SLCO3A1: variants seen among roughly 807,000 people sequenced by gnomAD.
The protein encoded by SLCO3A1 is solute carrier organic anion transporter family member 3A1, also known as PGE1 transporter.
SLCO3A1 carries 27 observed loss-of-function variants against 63.1 expected under a neutral mutation model. That is an observed-to-expected ratio of 0.43 (90% confidence interval 0.32 to 0.59). SLCO3A1 has a LOEUF of 0.59. Ranked by LOEUF, SLCO3A1 falls within the 20% of genes least tolerant of loss-of-function variation. The pLI is 0.09. For synonymous variants in SLCO3A1, 473 were observed against 409.9 expected (o/e 1.15, Z -1.86); for missense variants, 773 against 945.8 (o/e 0.82, Z 2.40).
chr15:92,077,005 C>A (rs117337246), intron 2 of SLCO3A1, among the ~76,000 whole-genome samples: 3,787 of 152,324 alleles, frequency 0.025, 71 homozygotes, highest in Admixed American at 0.049. Flanking sequence ...AGGAAACTTA[C>A]AATCATGGCA....
intron 2 of SLCO3A1, among the ~76,000 whole-genome samples, chr15:92,055,497 G>A (rs997131303): frequency 6.6e-6 from 1 of 152,102 alleles, no homozygotes; most frequent in African/African-American, 2.4e-5. Flanking sequence ...GTCTCTACTT[G>A]TGTAGGTTTT....
chr15:92,171,912 C>A (rs2048523782), exon 11 of SLCO3A1: 1 of 1,398,298 alleles, frequency 7.2e-7, no homozygotes, highest in Non-Finnish European at 9.9e-7. Flanking sequence ...CCACCACCCA[C>A]AGACCTCGCG....
At chr15:92,168,662 A>G (rs541750950), downstream of SLCO3A1, among the ~76,000 whole-genome samples, 9 of 152,326 alleles carry the variant, frequency 5.9e-5, no homozygotes, top group South Asian at 1.4e-3. Context: ...GCCAGGGCAT[A>G]CATAGGAAGG....
chr15:92,126,010 A>G, intron 5 of SLCO3A1, 51 bp from the exon 6 acceptor site: 1 of 1,534,086 alleles, frequency 6.5e-7, no homozygotes, highest in Non-Finnish European at 9.0e-7. Flanking sequence ...CTGTCTGTAG[A>G]CTGGCCCCAC....
intron 2 of SLCO3A1, among the ~76,000 whole-genome samples, chr15:92,015,426 A>T (rs114426002): frequency 0.025 from 3,810 of 152,160 alleles, 155 homozygotes; most frequent in African/African-American, 0.085. Context: ...CCCAGGGGGA[A>T]CTGCCACTTC....
chr15:91,917,715 G>A (rs1898708914), intron 2 of SLCO3A1, among the ~76,000 whole-genome samples: 2 of 152,146 alleles, frequency 1.3e-5, no homozygotes, highest in Admixed American at 1.3e-4. Context: ...ACCTGAGAGT[G>A]GTTATGGTGG....
intron 1 of SLCO3A1, among the ~76,000 whole-genome samples, chr15:91,864,910 T>G (rs1897130305): frequency 6.6e-6 from 1 of 152,156 alleles, no homozygotes; most frequent in South Asian, 2.1e-4. Flanking sequence ...ACCCCATCAG[T>G]GTCACGCCTC....
At chr15:92,083,073 T>C (rs1486160594) in intron 2 of SLCO3A1, among the ~76,000 whole-genome samples, 1 of 152,208 alleles carries the variant, frequency 6.6e-6, no homozygotes, top group African/African-American at 2.4e-5. Context: ...AAAACTGTGT[T>C]TTCCCCCTGC....
intron 2 of SLCO3A1, among the ~76,000 whole-genome samples, chr15:91,958,200 T>A (rs1210377303): frequency 6.6e-6 from 1 of 152,266 alleles, no homozygotes; most frequent in Non-Finnish European, 1.5e-5. Context: ...GTTTATGTTA[T>A]TGGTGAGGCT....
At chr15:92,064,245 G>A (rs1304495779) in intron 2 of SLCO3A1, among the ~76,000 whole-genome samples, 2 of 152,200 alleles carry the variant, frequency 1.3e-5, no homozygotes, top group Non-Finnish European at 2.9e-5. Flanking sequence ...AGGTAGTTGG[G>A]AAATGTTTTT....
intron 2 of SLCO3A1, among the ~76,000 whole-genome samples, chr15:91,921,534 A>T (rs8035875): frequency 0.56 from 84,542 of 151,882 alleles, 24,198 homozygotes; most frequent in East Asian, 0.91. Flanking sequence ...TACTTGAGGA[A>T]TTGATGATAT....
intron 9 of SLCO3A1, among the ~76,000 whole-genome samples, chr15:92,158,861 A>G (rs764958303): frequency 9.2e-5 from 14 of 152,246 alleles, no homozygotes; most frequent in Non-Finnish European, 1.9e-4. Flanking sequence ...GTGAATAAAA[A>G]GGAAAAGATG....
At chr15:91,940,160 A>G (rs551317296) in intron 2 of SLCO3A1, among the ~76,000 whole-genome samples, 1 of 152,180 alleles carries the variant, frequency 6.6e-6, no homozygotes, top group African/African-American at 2.4e-5. Context: ...ACATCCAATG[A>G]CAGCAGCTCC....
intron 7 of SLCO3A1, among the ~76,000 whole-genome samples, chr15:92,140,437 A>G (rs2151580336): frequency 6.6e-6 from 1 of 151,094 alleles, no homozygotes; most frequent in Non-Finnish European, 1.5e-5. Flanking sequence ...TGTGGTGCTG[A>G]AAAAAACGTA....
intron 2 of SLCO3A1, among the ~76,000 whole-genome samples, chr15:91,956,219 G>C (rs1900171948): frequency 6.6e-6 from 1 of 152,160 alleles, no homozygotes; most frequent in Non-Finnish European, 1.5e-5. Flanking sequence ...GCGTTCTACA[G>C]AATTCCCTGG....
At chr15:92,113,020 G>A (rs889664787) in intron 4 of SLCO3A1, among the ~76,000 whole-genome samples, 7 of 152,168 alleles carry the variant, frequency 4.6e-5, no homozygotes, top group African/African-American at 1.4e-4. Flanking sequence ...TTAGGGGCTG[G>A]CCTGGAGTAG....
At position 91,914,787 on chromosome 15, in the gene SLCO3A1, G is replaced by T. The variant is rs189193860; in HGVS notation, c.181-1206G>T. On this transcript the variant is annotated intron_variant, in intron 1 of 9. Transcript: ENST00000318445. ...GGGTTTTGCCATGTTGGCCAGGCTG[G>T]TCTCGAACTCCTGGCCTCAAGTGAC... Among the ~76,000 whole-genome samples, 782 of 152,186 alleles carry T rather than the reference G, an allele frequency of 5.1e-3. 2 individuals are homozygous for T. Among genetic ancestry groups the T allele is most frequent in the Middle Eastern group, 0.01 (3 of 294 alleles).
At chr15:92,059,019 C>T (rs2151504202) in intron 2 of SLCO3A1, among the ~76,000 whole-genome samples, 1 of 152,336 alleles carries the variant, frequency 6.6e-6, no homozygotes, top group Non-Finnish European at 1.5e-5. Context: ...ATCGCACTCA[C>T]AAGTGCTGGC....
chr15:91,923,465 A>T (rs1049237350), intron 2 of SLCO3A1, among the ~76,000 whole-genome samples: 2 of 152,210 alleles, frequency 1.3e-5, no homozygotes, highest in African/African-American at 4.8e-5. Context: ...CTCAAAGTGC[A>T]TGAAGTGCTA....
Sources: allele counts gnomAD v4.1 joint callset (sites outside exome capture counted in the v4.1 genomes callset), GRCh38; gene constraint gnomAD v4.1.1; transcripts MANE v1.5; gene names NCBI Gene and HGNC (gene_info 2026-07-23, HGNC 2026-07-21).